Variants in BCL2L11 observed in about 807,000 individuals in gnomAD.
BCL2L11 encodes BCL2 like 11.
Under a neutral mutation model 20.6 loss-of-function variants are expected in BCL2L11, and 15 were observed. That is an observed-to-expected ratio of 0.73 (90% confidence interval 0.49 to 1.12). The LOEUF (loss-of-function observed/expected upper bound fraction) is 1.12, where lower values mean the gene tolerates loss of function less well. Ranked by LOEUF, BCL2L11 falls within the 50% of genes most tolerant of loss-of-function variation. The probability of loss-of-function intolerance (pLI) is 0.00; values close to 1 mark genes in which losing one functional copy is unlikely to be tolerated. For synonymous variants in BCL2L11, 108 were observed against 92.8 expected (o/e 1.16, Z -0.94); for missense variants, 292 against 260.9 (o/e 1.12, Z -0.82).
intron 3 of BCL2L11, chr2:111,151,721 C>A: frequency 1.0e-6 from 1 of 954,410 alleles, no homozygotes; most frequent in Non-Finnish European, 1.7e-6. Flanking sequence ...TCCTACCTTT[C>A]TGTGGGGGTG....
intron 2 of BCL2L11, among the ~76,000 whole-genome samples, chr2:111,134,619 C>G (rs1316806956): frequency 1.3e-5 from 2 of 152,144 alleles, no homozygotes; most frequent in African/African-American, 2.4e-5. Context: ...TTCCAATGTT[C>G]TTTCCTTTCT....
chr2:111,133,228 A>G (rs960531575), intron 2 of BCL2L11, among the ~76,000 whole-genome samples: 1 of 152,262 alleles, frequency 6.6e-6, no homozygotes, highest in Non-Finnish European at 1.5e-5. Context: ...TTCTTCAATT[A>G]GAATGGCAGC....
At chr2:111,147,346 T>TCTCACACA (rs760779894) in intron 2 of BCL2L11, among the ~76,000 whole-genome samples, 5 of 137,332 alleles carry the variant, frequency 3.6e-5, no homozygotes, top group Non-Finnish European at 4.6e-5. Flanking sequence ...TCTCTCTCTC[T>TCTCACACA]CACACACACA....
At chr2:111,150,006 C>A in intron 2 of BCL2L11, 38 bp from the exon 3 acceptor site, 1 of 1,571,152 alleles carries the variant, frequency 6.4e-7, no homozygotes, top group African/African-American at 1.4e-5. Context: ...GATCTGTGGA[C>A]CACAATGTGA....
chr2:111,123,616 GA>G, intron 1 of BCL2L11, 116 bp from the exon 2 acceptor site: 1 of 1,226,386 alleles, frequency 8.2e-7, no homozygotes, highest in Non-Finnish European at 1.0e-6. Context: ...GAAAAGTATA[GA>G]ACAAAGTATT....
chr2:111,145,865 C>CA (rs937473678), intron 2 of BCL2L11: 2 of 732,366 alleles, frequency 2.7e-6, no homozygotes, highest in African/African-American at 3.9e-5. Context: ...ACACTTTTGG[C>CA]AAAAATTGCT....
At chr2:111,136,686 T>C (rs1433870974) in intron 2 of BCL2L11, among the ~76,000 whole-genome samples, 1 of 152,056 alleles carries the variant, frequency 6.6e-6, no homozygotes, top group African/African-American at 2.4e-5. Flanking sequence ...TGATAGAAAA[T>C]GTGAGGGTTT....
At chr2:111,163,955 G>A (rs1275514264) in intron 3 of BCL2L11, among the ~76,000 whole-genome samples, 178 bp from the exon 4 acceptor site, 1 of 141,386 alleles carries the variant, frequency 7.1e-6, no homozygotes, top group Non-Finnish European at 1.5e-5. Context: ...GCAGGGAAAT[G>A]AAAACAAGTT....
chr2:111,122,722 C>T (rs1343879095), intron 1 of BCL2L11: 2 of 983,138 alleles, frequency 2.0e-6, no homozygotes, highest in East Asian at 1.1e-4. Context: ...CTCGGCTGCC[C>T]GGCGGAGCGC....
Position 111,164,244 on chromosome 2 carries a change from G to A in BCL2L11, c.*13G>A, listed in dbSNP as rs202136894. On this transcript the variant is annotated 3_prime_UTR_variant, in exon 4 of 4. Transcript: ENST00000393256. ...GAGAATGCATTGACAGGTTCTTTGC[G>A]GAGCCGAGATACCATGCAGACATTT... The A allele has an allele frequency of 6.7e-5, 105 of 1,573,194 alleles. No homozygotes were observed. Among genetic ancestry groups the A allele is most frequent in the South Asian group, 4.3e-4 (39 of 90,210 alleles).
chr2:111,128,925 C>T (rs2073285173), intron 2 of BCL2L11: 1 of 1,125,186 alleles, frequency 8.9e-7, no homozygotes, highest in Admixed American at 3.1e-5. Context: ...TGTTCTGTTT[C>T]ATCTAAACAG....
Position 111,165,099 on chromosome 2 carries a change from T to C in BCL2L11, c.*868T>C, listed in dbSNP as rs993428514. The C allele has an allele frequency of 6.6e-6, 1 of 152,280 alleles. No individual in the cohort carries two copies. Among genetic ancestry groups the C allele is most frequent in the Non-Finnish European group, 1.5e-5 (1 of 68,050 alleles). 9.4% of individuals were successfully genotyped at this position (152,280 alleles called of 1,614,324 possible). A position where few individuals can be genotyped will look rare whatever the true frequency, so the allele number is the denominator to read the frequency against. Reference sequence around the variant, plus strand: ...CTTGCACAGTTCGAGCGATCTGTTATTAACTGGGAAGCATTTGGTGTTGGT... The same window carrying C: ...CTTGCACAGTTCGAGCGATCTGTTACTAACTGGGAAGCATTTGGTGTTGGT... On this transcript the variant is annotated 3_prime_UTR_variant, in exon 4 of 4. Coordinates refer to ENST00000393256, the MANE Select transcript of BCL2L11 (RefSeq NM_138621.5).
At chr2:111,164,037 T>A (rs1248433694) in intron 3 of BCL2L11, 96 bp from the exon 4 acceptor site, 5 of 795,414 alleles carry the variant, frequency 6.3e-6, no homozygotes, top group Non-Finnish European at 1.1e-5. Flanking sequence ...TCATGGTGAT[T>A]AAGATGGGAT....
rs1443876372 is a variant in BCL2L11, at chr2:111,121,007, G to A, written c.-195G>A. 23 of 401,062 alleles carry A rather than the reference G, an allele frequency of 5.7e-5. No individual in the cohort carries two copies. The highest frequency in any genetic ancestry group is 4.4e-4 in the African/African-American group (20 of 45,772). 24.8% of individuals were successfully genotyped at this position (401,062 alleles called of 1,614,324 possible). A position where few individuals can be genotyped will look rare whatever the true frequency, so the allele number is the denominator to read the frequency against. On this transcript the variant is annotated 5_prime_UTR_variant, in exon 1 of 4. Transcript: ENST00000393256. ...CGCCGCCGCCGCCGCCGCCGCCGCC[G>A]CCGCCGCCGCCGCCACTACCACCAC...
intron 2 of BCL2L11, chr2:111,128,975 T>A (rs2150293111): frequency 1.7e-6 from 1 of 601,642 alleles, no homozygotes; most frequent in Non-Finnish European, 2.6e-6. Context: ...AGTGCTGCTC[T>A]AGCAAGCCAG....
rs2074411297 is a variant in BCL2L11, at chr2:111,133,997, T to G, written c.394+9858T>G. Among the ~76,000 whole-genome samples, 2 of 152,186 alleles carry G rather than the reference T, an allele frequency of 1.3e-5. 1 individual carries two copies. The highest frequency in any genetic ancestry group is 4.1e-4 in the South Asian group (2 of 4,828). On this transcript the variant is annotated intron_variant, in intron 2 of 3. Coordinates refer to ENST00000393256, the MANE Select transcript of BCL2L11 (RefSeq NM_138621.5). ...AATAGCACTTCTGCTTTTTTAACAT[T>G]AATGTATTAATGTTAACATAGTATT...
intron 3 of BCL2L11, chr2:111,161,630 G>A: frequency 7.0e-7 from 1 of 1,433,544 alleles, no homozygotes; most frequent in South Asian, 1.4e-5. Flanking sequence ...CAGTCTTAGT[G>A]TCATACTTGC....
intron 2 of BCL2L11, among the ~76,000 whole-genome samples, chr2:111,125,261 G>T (rs888383316): frequency 2.6e-5 from 4 of 152,226 alleles, no homozygotes; most frequent in Admixed American, 2.6e-4. Flanking sequence ...CTGCAGACTT[G>T]ATTTGGCCCT....
intron 2 of BCL2L11, among the ~76,000 whole-genome samples, chr2:111,139,090 C>G (rs1464779900): frequency 6.6e-6 from 1 of 152,112 alleles, no homozygotes; most frequent in Non-Finnish European, 1.5e-5. Flanking sequence ...TACTATAATT[C>G]TAATCCCCTG....
Sources: allele counts gnomAD v4.1 joint callset (sites outside exome capture counted in the v4.1 genomes callset), GRCh38; gene constraint gnomAD v4.1.1; transcripts MANE v1.5; gene names NCBI Gene and HGNC (gene_info 2026-07-23, HGNC 2026-07-21).